SYT1: variants seen among roughly 807,000 people sequenced by gnomAD.
The protein encoded by SYT1 is synaptotagmin-1.
Under a neutral mutation model 44.8 loss-of-function variants are expected in SYT1, and 8 were observed. That is an observed-to-expected ratio of 0.18 (90% CI 0.10 to 0.32). The LOEUF (loss-of-function observed/expected upper bound fraction) is 0.32, where lower values mean the gene tolerates loss of function less well. Among genes scored for constraint, SYT1 ranks in the 10% least tolerant of loss-of-function variants. The pLI, the probability that SYT1 is intolerant of heterozygous loss-of-function variation, is 1.00. For missense variants in SYT1, 286 were observed against 509.3 expected, an observed-to-expected ratio of 0.56 and a Z score of 4.22; for synonymous variants, 154 against 188.8, an observed-to-expected ratio of 0.82 and a Z score of 1.51.
chr12:79,013,484 A>G (rs1815620613), intron 2 of SYT1, among the ~76,000 whole-genome samples: 1 of 152,038 alleles, frequency 6.6e-6, no homozygotes, highest in African/African-American at 2.4e-5. Context: ...ATTTTAGCCA[A>G]CTCTCTTACA....
chr12:79,201,937 G>T (rs996659565), intron 3 of SYT1, among the ~76,000 whole-genome samples: 1 of 152,174 alleles, frequency 6.6e-6, no homozygotes, highest in South Asian at 2.1e-4. Flanking sequence ...TGATCAGTAA[G>T]TATGAAAAAA....
At chr12:79,234,720 T>C (rs1436446337) in intron 4 of SYT1, among the ~76,000 whole-genome samples, 1 of 149,488 alleles carries the variant, frequency 6.7e-6, no homozygotes, top group East Asian at 1.9e-4. Flanking sequence ...TTCTTTTTTT[T>C]TTTTTTTTTG....
intron 3 of SYT1, among the ~76,000 whole-genome samples, chr12:79,148,519 A>T (rs1870066553): frequency 6.6e-6 from 1 of 152,102 alleles, no homozygotes; most frequent in African/African-American, 2.4e-5. Context: ...GCTTCACGGT[A>T]AATTATATGG....
At chr12:79,157,202 G>A (rs1387521552) in intron 3 of SYT1, among the ~76,000 whole-genome samples, 1 of 152,146 alleles carries the variant, frequency 6.6e-6, no homozygotes, top group East Asian at 1.9e-4. Context: ...AAGACAAAGT[G>A]AACTGCTTGC....
intron 1 of SYT1, among the ~76,000 whole-genome samples, chr12:78,914,165 CAT>C (rs1358012905): frequency 2.6e-5 from 4 of 150,996 alleles, no homozygotes; most frequent in Non-Finnish European, 3.0e-5. Context: ...TGAGGATATA[CAT>C]ATATATATAT....
At chr12:79,270,012 C>T (rs1878337460) in intron 4 of SYT1, among the ~76,000 whole-genome samples, 1 of 152,092 alleles carries the variant, frequency 6.6e-6, no homozygotes, top group Non-Finnish European at 1.5e-5. Context: ...TGTATTAATG[C>T]ACATATTTCC....
intron 3 of SYT1, among the ~76,000 whole-genome samples, chr12:79,205,314 A>C (rs1190214300): frequency 6.6e-6 from 1 of 152,160 alleles, no homozygotes; most frequent in African/African-American, 2.4e-5. Flanking sequence ...AGTTTTTATA[A>C]TGCATTTGAA....
chr12:79,371,606 A>C (rs1436034236), intron 9 of SYT1, among the ~76,000 whole-genome samples: 1 of 152,180 alleles, frequency 6.6e-6, no homozygotes, highest in Non-Finnish European at 1.5e-5. Flanking sequence ...CAATGACTAT[A>C]AAAAAGAGGA....
At chr12:78,977,357 T>A (rs2137422000) in intron 1 of SYT1, among the ~76,000 whole-genome samples, 1 of 152,286 alleles carries the variant, frequency 6.6e-6, no homozygotes, top group East Asian at 1.9e-4. Flanking sequence ...TCTGAAAAGG[T>A]AGGAGAACAT....
intron 9 of SYT1, among the ~76,000 whole-genome samples, chr12:79,435,965 T>C (rs1171838763): frequency 6.6e-6 from 1 of 152,182 alleles, no homozygotes; most frequent in Non-Finnish European, 1.5e-5. Flanking sequence ...AAGTTATACA[T>C]ATCACTTCCC....
At chr12:78,868,073 G>T (rs528120955) in intron 1 of SYT1, among the ~76,000 whole-genome samples, 1 of 151,900 alleles carries the variant, frequency 6.6e-6, no homozygotes, top group Admixed American at 6.6e-5. Flanking sequence ...TAATCTTAAA[G>T]AACACACACT....
At chr12:79,423,821 C>T (rs1371300314) in intron 9 of SYT1, among the ~76,000 whole-genome samples, 1 of 151,766 alleles carries the variant, frequency 6.6e-6, no homozygotes, top group African/African-American at 2.4e-5. Context: ...TGGAGGCAAG[C>T]AGAGAGAGGA....
At chr12:79,426,670 T>G (rs1356866595) in intron 9 of SYT1, among the ~76,000 whole-genome samples, 1 of 152,212 alleles carries the variant, frequency 6.6e-6, no homozygotes, top group South Asian at 2.1e-4. Flanking sequence ...AAAAAAATGA[T>G]AAGCCAAGTG....
At chr12:79,023,109 G>A (rs1305146983) in intron 2 of SYT1, among the ~76,000 whole-genome samples, 1 of 151,702 alleles carries the variant, frequency 6.6e-6, no homozygotes, top group Non-Finnish European at 1.5e-5. Flanking sequence ...AGCCAAAAAG[G>A]AAAAGATGGG....
chr12:79,123,818 CTTT>C (rs1408826519), intron 3 of SYT1, among the ~76,000 whole-genome samples: 1 of 151,796 alleles, frequency 6.6e-6, no homozygotes. Context: ...AATATTAGTT[CTTT>C]ATTTCATTGA....
At chr12:79,383,750 AAAC>A (rs1459868893) in intron 9 of SYT1, among the ~76,000 whole-genome samples, 2 of 152,218 alleles carry the variant, frequency 1.3e-5, no homozygotes, top group African/African-American at 4.8e-5. Flanking sequence ...TGAAAATAAA[AAAC>A]TACAGAAGAA....
intron 8 of SYT1, among the ~76,000 whole-genome samples, chr12:79,343,075 A>G (rs7957801): frequency 0.091 from 13,839 of 152,228 alleles, 1,317 homozygotes; most frequent in African/African-American, 0.25. Flanking sequence ...AAATCAGGAA[A>G]TCATTGTATT....
chr12:78,970,597 T>C (rs1868350269), intron 1 of SYT1, among the ~76,000 whole-genome samples: 1 of 152,172 alleles, frequency 6.6e-6, no homozygotes, highest in Non-Finnish European at 1.5e-5. Context: ...CAACTTCCTG[T>C]TAGTGTGACC....
chr12:79,068,718 AG>A (rs1366216070), intron 3 of SYT1, among the ~76,000 whole-genome samples: 10 of 152,164 alleles, frequency 6.6e-5, no homozygotes, highest in African/African-American at 2.2e-4. Context: ...GAAAAGAAAC[AG>A]GGAGAAGTAA....
Sources: allele counts gnomAD v4.1 joint callset (sites outside exome capture counted in the v4.1 genomes callset), GRCh38; gene constraint gnomAD v4.1.1; transcripts MANE v1.5; gene names NCBI Gene and HGNC (gene_info 2026-07-23, HGNC 2026-07-21).